LRP1B: variants seen among roughly 807,000 people sequenced by gnomAD.
LRP1B encodes the protein LDL receptor related protein 1B.
Under a neutral mutation model 556.6 loss-of-function variants are expected in LRP1B, and 217 were observed. The observed-to-expected ratio is 0.39, with a 90% CI of 0.35 to 0.44. The LOEUF (loss-of-function observed/expected upper bound fraction) is 0.44. Ranked by LOEUF, LRP1B falls within the 20% of genes least tolerant of loss-of-function variation. The pLI is 1.00. For missense variants in LRP1B, 5,053 were observed against 5,620.8 expected, an observed-to-expected ratio of 0.90 and a Z score of 3.23; for synonymous variants, 2,047 against 1,865.8, an observed-to-expected ratio of 1.10 and a Z score of -2.50.
chr2:141,413,625 G>A (rs2104947305), intron 3 of LRP1B, among the ~76,000 whole-genome samples: 1 of 152,272 alleles, frequency 6.6e-6, no homozygotes, highest in South Asian at 2.1e-4. Context: ...AAAACATGCA[G>A]GATTGGTTGC....
chr2:140,938,101 C>T (rs1192612494), intron 20 of LRP1B, among the ~76,000 whole-genome samples: 12 of 151,844 alleles, frequency 7.9e-5, no homozygotes, highest in Non-Finnish European at 1.8e-4. Context: ...GTTCTTGTTA[C>T]CATTATATAC....
chr2:140,649,980 T>C (rs1425773655), intron 41 of LRP1B, among the ~76,000 whole-genome samples: 1 of 152,180 alleles, frequency 6.6e-6, no homozygotes, highest in Non-Finnish European at 1.5e-5. Context: ...GAAGCTAATA[T>C]AACTGAAGCA....
At chr2:140,484,818 T>C (rs1688399597) in intron 59 of LRP1B, among the ~76,000 whole-genome samples, 1 of 152,134 alleles carries the variant, frequency 6.6e-6, no homozygotes, top group South Asian at 2.1e-4. Context: ...TGCAATGAAA[T>C]GCAAATGAAA....
At chr2:141,314,088 C>A (rs754089125) in intron 3 of LRP1B, among the ~76,000 whole-genome samples, 14 of 152,122 alleles carry the variant, frequency 9.2e-5, no homozygotes, top group Admixed American at 3.3e-4. Flanking sequence ...TTTATCTTGG[C>A]CTTAGTTGAA....
intron 7 of LRP1B, among the ~76,000 whole-genome samples, chr2:141,096,675 A>AGAGG (rs1558858351): frequency 5.4e-5 from 7 of 130,094 alleles, no homozygotes; most frequent in African/African-American, 8.5e-5. Context: ...AGAGAGAGAG[A>AGAGG]GAGAGAGAGA....
At chr2:141,460,262 T>A (rs1248616779) in intron 3 of LRP1B, among the ~76,000 whole-genome samples, 1 of 152,186 alleles carries the variant, frequency 6.6e-6, no homozygotes, top group Non-Finnish European at 1.5e-5. Context: ...CTCTTTCTTA[T>A]TACAATCATT....
At chr2:141,588,300 C>T (rs1175596484) in intron 2 of LRP1B, among the ~76,000 whole-genome samples, 2 of 151,332 alleles carry the variant, frequency 1.3e-5, no homozygotes, top group Non-Finnish European at 2.9e-5. Context: ...GTTGAAGGCT[C>T]CTCTTCATTT....
At chr2:140,515,460 C>T (rs1361384684) in intron 50 of LRP1B, among the ~76,000 whole-genome samples, 2 of 151,984 alleles carry the variant, frequency 1.3e-5, no homozygotes, top group African/African-American at 2.4e-5. Flanking sequence ...CTCCTCCATT[C>T]CCAGCCTCCC....
At chr2:141,320,600 C>A (rs1009250906) in intron 3 of LRP1B, among the ~76,000 whole-genome samples, 1 of 152,046 alleles carries the variant, frequency 6.6e-6, no homozygotes, top group East Asian at 1.9e-4. Flanking sequence ...CCTACAAAAA[C>A]CTGCAGCCTG....
At chr2:142,127,900 C>T (rs774218984) in intron 1 of LRP1B, among the ~76,000 whole-genome samples, 1 of 151,968 alleles carries the variant, frequency 6.6e-6, no homozygotes, top group Non-Finnish European at 1.5e-5. Flanking sequence ...AAGTTTTAAT[C>T]CTTATCAAGC....
chr2:141,228,905 T>G (rs300387), intron 6 of LRP1B, among the ~76,000 whole-genome samples: 1 of 151,758 alleles, frequency 6.6e-6, no homozygotes, highest in Non-Finnish European at 1.5e-5. Context: ...CTCAGTGGAA[T>G]AAAAAAATCA....
chr2:140,390,321 T>C (rs545558421), intron 66 of LRP1B, among the ~76,000 whole-genome samples: 71 of 152,252 alleles, frequency 4.7e-4, no homozygotes, highest in African/African-American at 1.7e-3. Context: ...ATATGGTCAA[T>C]TGAGTTTCAA....
rs539849703 is a variant in LRP1B, at chr2:140,548,775, A to C, written c.7195-6804T>G. Among the ~76,000 whole-genome samples, 7 of 152,042 alleles carry C rather than the reference A, an allele frequency of 4.6e-5. No individual in the cohort carries two copies. In the South Asian group the frequency reaches 1.5e-3, roughly 32 times the overall value. On this transcript the variant is annotated intron_variant, in intron 43 of 90. Coordinates refer to ENST00000389484, the MANE Select transcript of LRP1B (RefSeq NM_018557.3). ...CCCGTCTCTACTAATAACACAAAAA[A>C]TTAGCCGGGCATGGTTGTGCGTGCC...
chr2:141,010,730 G>A (rs1697717898), intron 14 of LRP1B, among the ~76,000 whole-genome samples: 1 of 151,856 alleles, frequency 6.6e-6, no homozygotes, highest in African/African-American at 2.4e-5. Flanking sequence ...TGGCCAGGCT[G>A]GTCTCGAACT....
chr2:141,644,762 C>T (rs574383803), intron 2 of LRP1B, among the ~76,000 whole-genome samples: 3 of 147,258 alleles, frequency 2.0e-5, no homozygotes, highest in East Asian at 2.0e-4. Flanking sequence ...CACACACACA[C>T]GCATACACAT....
chr2:141,386,636 G>A (rs193108739), intron 3 of LRP1B, among the ~76,000 whole-genome samples: 44 of 151,936 alleles, frequency 2.9e-4, no homozygotes, highest in Admixed American at 2.3e-3. Context: ...AGAAAAATAC[G>A]ATATATTTAA....
intron 2 of LRP1B, among the ~76,000 whole-genome samples, chr2:141,804,466 C>A (rs909829347): frequency 6.6e-6 from 1 of 152,036 alleles, no homozygotes; most frequent in African/African-American, 2.4e-5. Flanking sequence ...CAAATAATTT[C>A]TATACCAAAT....
rs757365214 is a variant in LRP1B, at chr2:140,238,108, C to A, written c.13560+44G>T. ...AGAACCATAAAACAGAGATGCGACT[C>A]AAGAATGTTAGTGCTCACTGCCCAT... On this transcript the variant is annotated intron_variant, in intron 89 of 90. Transcript: ENST00000389484. 2.7e-5 allele frequency: 41 copies of A among 1,513,054 alleles called. No homozygotes were observed. The African/African-American group carries it at 5.8e-4, about 21-fold the overall frequency. 93.7% of individuals were successfully genotyped at this position (1,513,054 alleles called of 1,614,324 possible). A position where few individuals can be genotyped will look rare whatever the true frequency, so the allele number is the denominator to read the frequency against.
chr2:140,566,987 T>C (rs1043611510), intron 43 of LRP1B, among the ~76,000 whole-genome samples: 1 of 152,058 alleles, frequency 6.6e-6, no homozygotes, highest in Non-Finnish European at 1.5e-5. Context: ...AAGTGACACA[T>C]TGCAACCTGG....
Sources: gnomAD v4.1 joint callset for allele counts (sites outside exome capture counted in the v4.1 genomes callset) on GRCh38, gnomAD v4.1.1 for gene constraint, MANE v1.5 for transcripts, NCBI Gene and HGNC (gene_info 2026-07-23, HGNC 2026-07-21) for gene names.